Variants in FLT3 observed in about 807,000 individuals in gnomAD.
FLT3 encodes receptor-type tyrosine-protein kinase FLT3.
A neutral mutation model predicts 126.6 loss-of-function variants in FLT3; 46 were observed. The observed-to-expected ratio is 0.36, with a 90% CI of 0.29 to 0.46. The LOEUF (loss-of-function observed/expected upper bound fraction) is 0.46. FLT3 is among the 20% of genes least tolerant of loss of function. The pLI is 1.00. For missense variants in FLT3, 1,069 were observed against 1,190.3 expected (o/e 0.90, Z 1.50); for synonymous variants, 404 against 434.4 (o/e 0.93, Z 0.87).
chr13:28,074,749 CCCCA>C (rs1877809099), intron 1 of FLT3, among the ~76,000 whole-genome samples: 2 of 152,068 alleles, frequency 1.3e-5, no homozygotes, highest in African/African-American at 4.8e-5. Context: ...CAAGCCATCC[CCCCA>C]CCTTAGCTTC....
At chr13:28,011,769 T>C (rs967966982) in intron 23 of FLT3, among the ~76,000 whole-genome samples, 1 of 149,768 alleles carries the variant, frequency 6.7e-6, no homozygotes, top group African/African-American at 2.5e-5. Context: ...CTTTCTTTCC[T>C]TCCTTCTTTC....
At chr13:28,017,496 G>C (rs1871966014) in intron 20 of FLT3, among the ~76,000 whole-genome samples, 1 of 152,022 alleles carries the variant, frequency 6.6e-6, no homozygotes, top group Admixed American at 6.6e-5. Flanking sequence ...AAGTGCCTTG[G>C]ATTAAAGGCG....
intron 1 of FLT3, among the ~76,000 whole-genome samples, chr13:28,086,650 G>GTC (rs1027831794): frequency 4.0e-5 from 6 of 151,426 alleles, no homozygotes; most frequent in African/African-American, 1.5e-4. Context: ...GTGTGTGTGT[G>GTC]TGTGTGTGTG....
At chr13:28,097,259 G>T (rs1033893423) in intron 1 of FLT3, among the ~76,000 whole-genome samples, 2 of 150,786 alleles carry the variant, frequency 1.3e-5, no homozygotes, top group African/African-American at 4.9e-5. Context: ...AGGAAAGAAG[G>T]AAGGAAGGAA....
At chr13:28,033,057 C>T (rs1164756178) in intron 15 of FLT3, among the ~76,000 whole-genome samples, 1 of 151,906 alleles carries the variant, frequency 6.6e-6, no homozygotes, top group Non-Finnish European at 1.5e-5. Context: ...TTTCAACCCA[C>T]ACCTGTAATC....
chr13:28,074,313 T>C (rs9513025), intron 1 of FLT3, among the ~76,000 whole-genome samples: 107,994 of 152,134 alleles, frequency 0.71, 40,162 homozygotes, highest in East Asian at 0.95. Context: ...TTTAATCTAT[T>C]CACCTGTGGA....
intron 23 of FLT3, among the ~76,000 whole-genome samples, chr13:28,008,362 T>C (rs1387557504): frequency 6.6e-6 from 1 of 151,974 alleles, no homozygotes; most frequent in African/African-American, 2.4e-5. Flanking sequence ...TTTAGAATTA[T>C]GAATTTGGGT....
chr13:28,094,853 A>G (rs1484770341), intron 1 of FLT3, among the ~76,000 whole-genome samples: 2 of 152,186 alleles, frequency 1.3e-5, no homozygotes, highest in Admixed American at 1.3e-4. Flanking sequence ...CTCATAGAAC[A>G]GAATTGCGTG....
chr13:28,082,299 T>C (rs1878379572), intron 1 of FLT3, among the ~76,000 whole-genome samples: 1 of 152,086 alleles, frequency 6.6e-6, no homozygotes, highest in Non-Finnish European at 1.5e-5. Flanking sequence ...TACATGCACA[T>C]ACCACCACAC....
At chr13:28,048,696 A>G (rs1330710645) in intron 8 of FLT3, among the ~76,000 whole-genome samples, 1 of 152,224 alleles carries the variant, frequency 6.6e-6, no homozygotes, top group Non-Finnish European at 1.5e-5. Context: ...TGGGATGTAG[A>G]TAATTGACTG....
At chr13:28,077,494 G>C (rs1038960866) in intron 1 of FLT3, among the ~76,000 whole-genome samples, 11 of 152,162 alleles carry the variant, frequency 7.2e-5, no homozygotes, top group South Asian at 6.2e-4. Context: ...TCACTATCAT[G>C]AGAATAGCAT....
chr13:28,050,272 A>C (rs905219687), intron 5 of FLT3, 50 bp from the exon 6 acceptor site: 1 of 1,577,968 alleles, frequency 6.3e-7, no homozygotes, highest in African/African-American at 1.4e-5. Context: ...TTAAAATTAC[A>C]AATGAATGCT....
chr13:28,037,526 T>A (rs1470003095), intron 9 of FLT3, among the ~76,000 whole-genome samples: 1 of 152,182 alleles, frequency 6.6e-6, no homozygotes, highest in African/African-American at 2.4e-5. Context: ...AGATTTCAGG[T>A]CCCTTCCAAA....
At chr13:28,073,451 A>T in intron 1 of FLT3, 1 of 388,532 alleles carries the variant, frequency 2.6e-6, no homozygotes, top group Non-Finnish European at 5.1e-6. Context: ...TAATCTCATA[A>T]TCTGAGACAG....
chr13:28,063,352 C>T (rs1006106276), intron 2 of FLT3, among the ~76,000 whole-genome samples: 4 of 152,028 alleles, frequency 2.6e-5, no homozygotes, highest in Non-Finnish European at 4.4e-5. Context: ...TGGTGGTAGG[C>T]GCCTGTAATC....
chr13:28,053,088 T>C (rs1875681628), intron 4 of FLT3, among the ~76,000 whole-genome samples: 1 of 152,108 alleles, frequency 6.6e-6, no homozygotes, highest in African/African-American at 2.4e-5. Context: ...TACTAAGATT[T>C]AGAAAGACAG....
At chr13:28,076,451 G>A (rs368773460) in intron 1 of FLT3, among the ~76,000 whole-genome samples, 31 of 152,092 alleles carry the variant, frequency 2.0e-4, no homozygotes, top group African/African-American at 4.8e-4. Flanking sequence ...AGCCAGTAAC[G>A]TGTCCCAGTC....
At chr13:28,074,533 G>A (rs955273392) in intron 1 of FLT3, among the ~76,000 whole-genome samples, 11 of 152,164 alleles carry the variant, frequency 7.2e-5, no homozygotes, top group South Asian at 4.1e-4. Flanking sequence ...CACTCGCAGT[G>A]TATGGAATTC....
chr13:28,011,123 A>G (rs1871314831), intron 23 of FLT3, among the ~76,000 whole-genome samples: 1 of 151,390 alleles, frequency 6.6e-6, no homozygotes, highest in Admixed American at 6.6e-5. Context: ...CAGCCCGGAC[A>G]ATATGGTGAA....
Sources: gnomAD v4.1 joint callset for allele counts (sites outside exome capture counted in the v4.1 genomes callset) on GRCh38, gnomAD v4.1.1 for gene constraint, MANE v1.5 for transcripts, NCBI Gene and HGNC (gene_info 2026-07-23, HGNC 2026-07-21) for gene names.